Variants in CDH13 observed in about 807,000 individuals in gnomAD.
CDH13 encodes the protein cadherin 13, also known as cadherin-13.
A neutral mutation model predicts 63.8 loss-of-function variants in CDH13; 24 were observed. That is an observed-to-expected ratio of 0.38 (90% CI 0.27 to 0.53). The LOEUF is 0.53. Among genes scored for constraint, CDH13 ranks in the 20% least tolerant of loss-of-function variants. CDH13 has a pLI of 0.85. For missense variants in CDH13, 1,049 were observed against 903.1 expected (o/e 1.16, Z -2.07); for synonymous variants, 503 against 355.3 (o/e 1.42, Z -4.67).
At chr16:83,732,000 C>T (rs886965933) in intron 10 of CDH13, among the ~76,000 whole-genome samples, 1 of 152,228 alleles carries the variant, frequency 6.6e-6, no homozygotes, top group Non-Finnish European at 1.5e-5. Context: ...AGCTATTCTT[C>T]ATACATCCAA....
intron 5 of CDH13, among the ~76,000 whole-genome samples, chr16:83,313,742 T>C (rs145631451): frequency 1.1e-3 from 172 of 152,236 alleles, no homozygotes; most frequent in Admixed American, 2.0e-3. Flanking sequence ...TACAATTGCC[T>C]TTTTTCCCAT....
At chr16:82,885,519 T>TCATC (rs560468596) in intron 2 of CDH13, among the ~76,000 whole-genome samples, 53 of 145,100 alleles carry the variant, frequency 3.7e-4, no homozygotes, top group Admixed American at 4.9e-4. Context: ...ATCTATCCAT[T>TCATC]CATCCATCCA....
chr16:83,287,508 C>T (rs1378119981), intron 5 of CDH13, among the ~76,000 whole-genome samples: 1 of 152,270 alleles, frequency 6.6e-6, no homozygotes, highest in East Asian at 1.9e-4. Context: ...GAGCATGAAC[C>T]TTATTGCAAA....
At chr16:82,931,654 TG>T (rs2042497531) in intron 2 of CDH13, among the ~76,000 whole-genome samples, 2 of 152,106 alleles carry the variant, frequency 1.3e-5, no homozygotes, top group South Asian at 4.2e-4. Flanking sequence ...TCCATGTGGC[TG>T]GGGAGGCCTC....
At chr16:83,538,964 A>G (rs1011855391) in intron 7 of CDH13, among the ~76,000 whole-genome samples, 2 of 152,202 alleles carry the variant, frequency 1.3e-5, no homozygotes, top group African/African-American at 4.8e-5. Context: ...TTGAACCCAT[A>G]TAAACAGTGG....
At chr16:83,056,945 T>TAAACC (rs1453910691) in intron 3 of CDH13, among the ~76,000 whole-genome samples, 1 of 152,072 alleles carries the variant, frequency 6.6e-6, no homozygotes, top group East Asian at 1.9e-4. Context: ...GTGAGTCCAT[T>TAAACC]AAACCTTTTT....
chr16:82,820,777 C>G (rs1225380063), intron 1 of CDH13, among the ~76,000 whole-genome samples: 2 of 152,180 alleles, frequency 1.3e-5, no homozygotes, highest in African/African-American at 4.8e-5. Flanking sequence ...AAGGATTATA[C>G]ATTTATGTCC....
intron 1 of CDH13, among the ~76,000 whole-genome samples, chr16:82,703,804 G>A (rs146174916): frequency 0.013 from 1,921 of 152,200 alleles, 14 homozygotes; most frequent in Non-Finnish European, 0.02. Context: ...GGGCACCCAT[G>A]TACAACAATG....
chr16:83,471,416 A>G (rs530430979), intron 6 of CDH13, among the ~76,000 whole-genome samples: 69 of 152,094 alleles, frequency 4.5e-4, no homozygotes, highest in African/African-American at 1.6e-3. Flanking sequence ...CTAGGACTAC[A>G]GGTGGCTGCC....
chr16:83,392,613 T>A (rs1323266195), intron 6 of CDH13, among the ~76,000 whole-genome samples: 2 of 152,182 alleles, frequency 1.3e-5, no homozygotes, highest in Non-Finnish European at 2.9e-5. Flanking sequence ...GACGGTTCTC[T>A]CTGAGCAGTT....
chr16:82,873,298 C>T (rs1278471065), intron 2 of CDH13, among the ~76,000 whole-genome samples: 3 of 152,154 alleles, frequency 2.0e-5, no homozygotes, highest in Non-Finnish European at 2.9e-5. Context: ...GGATTATAAA[C>T]TCTATGTTAT....
chr16:83,668,274 T>G (rs1914185246), intron 8 of CDH13, among the ~76,000 whole-genome samples: 1 of 152,236 alleles, frequency 6.6e-6, no homozygotes, highest in South Asian at 2.1e-4. Context: ...GAGTTTCTTC[T>G]GTGCACCTAG....
At chr16:82,675,930 G>A (rs1484145806) in intron 1 of CDH13, among the ~76,000 whole-genome samples, 2 of 152,184 alleles carry the variant, frequency 1.3e-5, no homozygotes, top group East Asian at 3.9e-4. Flanking sequence ...GCTGTAAGCA[G>A]CAAACTGCCT....
intron 10 of CDH13, among the ~76,000 whole-genome samples, chr16:83,704,637 C>G (rs930041045): frequency 1.3e-5 from 2 of 152,200 alleles, no homozygotes; most frequent in Non-Finnish European, 2.9e-5. Flanking sequence ...GAATTAAGTA[C>G]TCCTTCCTTG....
chr16:83,696,991 A>C (rs79519302), intron 10 of CDH13, among the ~76,000 whole-genome samples: 2,251 of 152,262 alleles, frequency 0.015, 62 homozygotes, highest in African/African-American at 0.052. Flanking sequence ...CTCCTCTGGC[A>C]GTCTCTCCTC....
chr16:83,216,443 T>TAAATATATATATATATATAC (rs1472700247), intron 4 of CDH13, among the ~76,000 whole-genome samples: 1 of 93,420 alleles, frequency 1.1e-5, no homozygotes, highest in Non-Finnish European at 2.2e-5. Context: ...TATATATATA[T>TAAATATATATATATATATAC]ACACAACCCT....
At chr16:82,837,399 G>A (rs1454004933) in intron 1 of CDH13, among the ~76,000 whole-genome samples, 3 of 152,004 alleles carry the variant, frequency 2.0e-5, no homozygotes, top group Admixed American at 2.0e-4. Flanking sequence ...TTATGTCAGA[G>A]GTCCCCAAGA....
At chr16:83,224,090 T>C (rs1055396509) in intron 5 of CDH13, among the ~76,000 whole-genome samples, 1 of 152,210 alleles carries the variant, frequency 6.6e-6, no homozygotes, top group African/African-American at 2.4e-5. Context: ...ACATATGATG[T>C]TTGGTTTTCC....
At chr16:83,319,082 A>T (rs967991852) in intron 5 of CDH13, among the ~76,000 whole-genome samples, 1 of 151,958 alleles carries the variant, frequency 6.6e-6, no homozygotes, top group Admixed American at 6.6e-5. Context: ...AGTGAAGCTT[A>T]GGCATGGGTT....
Sources: gnomAD v4.1 joint callset for allele counts (sites outside exome capture counted in the v4.1 genomes callset) on GRCh38, gnomAD v4.1.1 for gene constraint, MANE v1.5 for transcripts, NCBI Gene and HGNC (gene_info 2026-07-23, HGNC 2026-07-21) for gene names.